PCDH10: variants seen among roughly 807,000 people sequenced by gnomAD.
PCDH10 encodes protocadherin 10.
In PCDH10, 15 loss-of-function variants were observed where a neutral mutation model predicts 74.4. That is an observed-to-expected ratio of 0.20 (90% CI 0.13 to 0.31). The LOEUF (loss-of-function observed/expected upper bound fraction) is 0.31. Among genes scored for constraint, PCDH10 ranks in the 10% least tolerant of loss-of-function variants. The pLI is 1.00. For missense variants in PCDH10, 1,260 were observed against 1,390.2 expected (o/e 0.91, Z 1.49); for synonymous variants, 619 against 589.8 (o/e 1.05, Z -0.72).
downstream of PCDH10, among the ~76,000 whole-genome samples, chr4:133,199,028 T>C (rs1325591975): frequency 6.6e-6 from 1 of 152,078 alleles, no homozygotes; most frequent in African/African-American, 2.4e-5. Context: ...TTGTAATTAA[T>C]CCCAGCACTT....
intron 2 of PCDH10, among the ~76,000 whole-genome samples, chr4:133,207,883 A>C (rs1560721108): frequency 6.6e-6 from 1 of 152,142 alleles, no homozygotes; most frequent in Non-Finnish European, 1.5e-5. Context: ...AATGATTTTC[A>C]CATCCTAACA....
chr4:133,151,032 C>T lies in PCDH10; in HGVS notation c.892C>T (p.Arg298Trp), dbSNP rs1468223193. 6.2e-7 allele frequency: 1 copy of T among 1,613,894 alleles called. No homozygotes were observed. The highest frequency in any genetic ancestry group is 1.3e-5 in the African/African-American group (1 of 75,056). Residue 298 changes from arginine to tryptophan, a missense_variant, in exon 1 of 5, where the codon CGG (arginine) becomes TGG (tryptophan). Arg to Trp is a moderately radical substitution (Grantham distance 101). Around this residue, in one of 11 missense-constraint regions of PCDH10, gnomAD observed 192 missense variants for 161.2 expected, o/e 1.19. Transcript: ENST00000264360. ...CAGCAGCCACATTTCGCCCCGGGCG[C>T]GGGAGCTTTTCGGACTCTCGCCGCG... is the stretch of plus-strand genomic sequence containing the variant. ...SFSSHISPRA[R>W]ELFGLSPRTG...
In PCDH10 at chr4:133,191,039, C is replaced by T. The variant is rs1727655623; in HGVS notation, c.*879C>T. 1 of 152,264 alleles carries T rather than the reference C, an allele frequency of 6.6e-6. No homozygotes were observed. Among genetic ancestry groups the T allele is most frequent in the East Asian group, 1.9e-4 (1 of 5,182 alleles). 9.4% of individuals were successfully genotyped at this position (152,264 alleles called of 1,614,324 possible). The stretch of plus-strand genomic sequence containing the variant: ...AGATGTAGCTATTGATGTTATCAGA[C>T]AGAGCACTGACTATGTACTATCAAA... On this transcript the variant is annotated 3_prime_UTR_variant, in exon 5 of 5. Transcript: ENST00000264360.
chr4:133,177,646 A>C (rs1727322686), intron 4 of PCDH10, among the ~76,000 whole-genome samples: 1 of 152,144 alleles, frequency 6.6e-6, no homozygotes. Flanking sequence ...ACAATGATAA[A>C]GTTCTTGCAT....
intron 3 of PCDH10, among the ~76,000 whole-genome samples, chr4:133,157,278 CTTTT>C (rs1264300595): frequency 2.0e-5 from 3 of 152,040 alleles, no homozygotes; most frequent in Non-Finnish European, 2.9e-5. Flanking sequence ...GAAGTGTTTT[CTTTT>C]TTAAGTATAA....
intron 4 of PCDH10, among the ~76,000 whole-genome samples, chr4:133,189,940 G>A (rs1341939885): frequency 6.6e-6 from 1 of 151,992 alleles, no homozygotes; most frequent in African/African-American, 2.4e-5. Context: ...TAATTTATAA[G>A]AATATCAAAA....
chr4:133,158,091 A>G (rs980049633), intron 3 of PCDH10, among the ~76,000 whole-genome samples: 13 of 152,266 alleles, frequency 8.5e-5, no homozygotes, highest in African/African-American at 3.1e-4. Context: ...GAAGTGGCAA[A>G]TGCAGACATA....
intron 4 of PCDH10, among the ~76,000 whole-genome samples, chr4:133,173,805 T>C (rs529681781): frequency 6.6e-6 from 1 of 151,940 alleles, no homozygotes; most frequent in South Asian, 2.1e-4. Flanking sequence ...TATTAAGATA[T>C]TGTAGTTTTA....
At chr4:133,178,073 T>C (rs2125868959) in intron 4 of PCDH10, among the ~76,000 whole-genome samples, 1 of 152,240 alleles carries the variant, frequency 6.6e-6, no homozygotes, top group South Asian at 2.1e-4. Context: ...TTCTAGCTTG[T>C]CCAATCTATC....
chr4:133,176,884 T>G (rs984690046), intron 4 of PCDH10, among the ~76,000 whole-genome samples: 1 of 152,118 alleles, frequency 6.6e-6, no homozygotes, highest in African/African-American at 2.4e-5. Context: ...GAATACTCAT[T>G]TTTCAAGCAA....
At position 133,191,998 on chromosome 4, in the gene PCDH10, T is replaced by C. The variant is rs10000634; in HGVS notation, c.*1838T>C. ...ACACACACACACACACACACACACT[T>C]AGGTCCTGATATGTACATTTAGAGT... On this transcript the variant is annotated 3_prime_UTR_variant, in exon 5 of 5. Coordinates refer to ENST00000264360, the MANE Select transcript of PCDH10 (RefSeq NM_032961.3). The C allele has an allele frequency of 8.3e-5, 11 of 133,198 alleles. No homozygotes were observed. The highest frequency in any genetic ancestry group is 2.6e-4 in the African/African-American group (9 of 33,964). The allele number at this position is 133,198 out of a possible 1,614,324, so 8.3% of individuals were successfully genotyped here. A position where few individuals can be genotyped will look rare whatever the true frequency, so the allele number is the denominator to read the frequency against.
chr4:133,150,045 T>C lies in PCDH10; in HGVS notation c.-96T>C, dbSNP rs1256847733. 8 of 1,444,188 alleles carry C rather than the reference T, an allele frequency of 5.5e-6. No homozygotes were observed. The highest frequency in any genetic ancestry group is 6.4e-6 in the Non-Finnish European group (7 of 1,097,938). The allele number at this position is 1,444,188 out of a possible 1,614,324, so 89.5% of individuals were successfully genotyped here. A position where few individuals can be genotyped will look rare whatever the true frequency, so the allele number is the denominator to read the frequency against. Reference sequence around the variant, plus strand: ...GGAGCCCCCACGTAGCGCACTTTTATTTGTATTTTTTCAGATTTTTTTTTG... The same window carrying C: ...GGAGCCCCCACGTAGCGCACTTTTACTTGTATTTTTTCAGATTTTTTTTTG... On this transcript the variant is annotated 5_prime_UTR_variant, in exon 1 of 5. Coordinates refer to ENST00000264360, the MANE Select transcript of PCDH10 (RefSeq NM_032961.3).
At chr4:133,160,168 A>G (rs370486821) in intron 3 of PCDH10, among the ~76,000 whole-genome samples, 9 of 151,950 alleles carry the variant, frequency 5.9e-5, no homozygotes, top group African/African-American at 2.2e-4. Flanking sequence ...GTTTGTTTCT[A>G]TGTCTGATTT....
At chr4:133,197,273 T>A (rs1342474283), downstream of PCDH10, among the ~76,000 whole-genome samples, 2 of 152,198 alleles carry the variant, frequency 1.3e-5, no homozygotes, top group Non-Finnish European at 1.5e-5. Context: ...TTGGAAATAC[T>A]GCATATTTGA....
At chr4:133,157,195 A>G (rs2125861104) in intron 3 of PCDH10, among the ~76,000 whole-genome samples, 1 of 152,362 alleles carries the variant, frequency 6.6e-6, no homozygotes, top group African/African-American at 2.4e-5. Flanking sequence ...CACTTATGTT[A>G]AGAAGTGATT....
rs955195749 is a variant in PCDH10, at chr4:133,193,314, T to G, written c.*3154T>G. 8 of 150,712 alleles carry G rather than the reference T, an allele frequency of 5.3e-5. No individual in the cohort carries two copies. Among genetic ancestry groups the G allele is most frequent in the African/African-American group, 1.9e-4 (8 of 41,218 alleles). The allele number at this position is 150,712 out of a possible 1,614,324, so 9.3% of individuals were successfully genotyped here. On this transcript the variant is annotated 3_prime_UTR_variant, in exon 5 of 5. Transcript: ENST00000264360. ...GGCAAATATTAAGGAAATATGTGTA[T>G]TTTATTTTTTAAAGATATTAAATGC...
rs2125856532 is a variant in PCDH10, at chr4:133,149,935, A to G, written c.-206A>G. ...GGACGCCTGTCACCCTTCCTGTGCT[A>G]AGATTTAAAAAAAAATGAGGCTGGA... On this transcript the variant is annotated 5_prime_UTR_variant, in exon 1 of 5. Coordinates refer to ENST00000264360, the MANE Select transcript of PCDH10 (RefSeq NM_032961.3). 2 of 578,950 alleles carry G rather than the reference A, an allele frequency of 3.5e-6. No individual in the cohort carries two copies. Among genetic ancestry groups the G allele is most frequent in the East Asian group, 6.4e-5 (2 of 31,470 alleles). The allele number at this position is 578,950 out of a possible 1,614,324, so 35.9% of individuals were successfully genotyped here.
chr4:133,168,234 G>A lies in PCDH10; in HGVS notation c.3103+4952G>A, dbSNP rs572151482. 2.0e-5 allele frequency among the ~76,000 whole-genome samples: 3 copies of A among 151,118 alleles called. No individual in the cohort carries two copies. The South Asian group carries it at 6.2e-4, about 31-fold the overall frequency. ...TAAAGTGAAAGGTATAAAAATCTGA[G>A]GTGCAGATATGAAACACAGCAGTTG... On this transcript the variant is annotated intron_variant, in intron 4 of 4. Transcript: ENST00000264360.
intron 4 of PCDH10, among the ~76,000 whole-genome samples, chr4:133,176,832 G>C (rs1341874865): frequency 6.6e-6 from 1 of 151,974 alleles, no homozygotes; most frequent in Non-Finnish European, 1.5e-5. Flanking sequence ...CTTACAATAA[G>C]TAAAGATACT....
Sources: allele counts gnomAD v4.1 joint callset (sites outside exome capture counted in the v4.1 genomes callset), GRCh38; gene constraint gnomAD v4.1.1; regional missense constraint gnomAD v4.1.1; transcripts MANE v1.5; gene names NCBI Gene and HGNC (gene_info 2026-07-23, HGNC 2026-07-21).